The following CUL5 variants were observed in gnomAD, a reference collection of about 807,000 sequenced individuals.
The protein encoded by CUL5 is cullin 5.
In CUL5, 26 loss-of-function variants were observed where a neutral mutation model predicts 108.8. The observed-to-expected ratio is 0.24, with a 90% confidence interval of 0.18 to 0.33. CUL5 has a LOEUF of 0.33. CUL5 is among the 10% of genes least tolerant of loss of function. The probability of loss-of-function intolerance (pLI) is 1.00; values close to 1 mark genes in which losing one functional copy is unlikely to be tolerated. For missense variants in CUL5, 524 were observed against 909.2 expected (o/e 0.58, Z 5.45); for synonymous variants, 334 against 298.0 (o/e 1.12, Z -1.25).
intron 7 of CUL5, 100 bp from the exon 8 acceptor site, chr11:108,069,996 A>ATT: frequency 2.7e-5 from 16 of 599,434 alleles, no homozygotes; most frequent in South Asian, 8.7e-5. Flanking sequence ...TTTCAGTATA[A>ATT]TTTTTTTTTT....
intron 1 of CUL5, among the ~76,000 whole-genome samples, chr11:108,027,049 C>T (rs922476845): frequency 1.3e-4 from 20 of 151,906 alleles, no homozygotes; most frequent in African/African-American, 4.6e-4. Context: ...AATTACCATG[C>T]CATTTCTTTA....
chr11:108,082,012 T>A (rs941827112), intron 11 of CUL5, among the ~76,000 whole-genome samples: 5 of 152,234 alleles, frequency 3.3e-5, no homozygotes, highest in Non-Finnish European at 5.9e-5. Flanking sequence ...CCTTTGGAAT[T>A]TTGATAGGAA....
At chr11:108,095,727 C>T (rs1252665540) in intron 16 of CUL5, 36 bp downstream of exon 16, 1 of 1,537,336 alleles carries the variant, frequency 6.5e-7, no homozygotes, top group Non-Finnish European at 8.9e-7. Context: ...AGACTGTATC[C>T]TCTCATGTAG....
At chr11:108,061,224 T>C (rs921090686) in intron 7 of CUL5, among the ~76,000 whole-genome samples, 1 of 152,194 alleles carries the variant, frequency 6.6e-6, no homozygotes, top group African/African-American at 2.4e-5. Context: ...TATTTTCAAA[T>C]AACAAGTTAT....
At chr11:108,034,347 A>G (rs1424257164) in intron 2 of CUL5, among the ~76,000 whole-genome samples, 1 of 152,226 alleles carries the variant, frequency 6.6e-6, no homozygotes, top group Admixed American at 6.5e-5. Context: ...GGCTGGTCAC[A>G]TAGGCAGTCT....
At chr11:108,040,260 G>A (rs550253075) in intron 2 of CUL5, among the ~76,000 whole-genome samples, 2 of 152,246 alleles carry the variant, frequency 1.3e-5, no homozygotes, top group South Asian at 4.1e-4. Context: ...CTGGAGGATT[G>A]CTTGAGGCCA....
chr11:108,089,749 C>A, intron 13 of CUL5, 126 bp downstream of exon 13: 1 of 558,218 alleles, frequency 1.8e-6, no homozygotes, highest in Non-Finnish European at 2.8e-6. Context: ...AAGAATATAG[C>A]GTCAGTTAGG....
At chr11:108,042,758 C>T (rs1429398307) in intron 2 of CUL5, among the ~76,000 whole-genome samples, 3 of 151,636 alleles carry the variant, frequency 2.0e-5, no homozygotes, top group Non-Finnish European at 4.4e-5. Flanking sequence ...ATTTTTCTAT[C>T]AGTTTCTTTT....
intron 1 of CUL5, among the ~76,000 whole-genome samples, chr11:108,009,925 A>G (rs536934658): frequency 6.6e-6 from 1 of 151,750 alleles, no homozygotes; most frequent in South Asian, 2.1e-4. Context: ...CCCATTCTTG[A>G]GTTCATCTTT....
At chr11:108,035,441 C>A (rs577512852) in intron 2 of CUL5, among the ~76,000 whole-genome samples, 2 of 152,104 alleles carry the variant, frequency 1.3e-5, no homozygotes, top group South Asian at 4.1e-4. Flanking sequence ...TTTAAATATT[C>A]AGTAATCTTT....
chr11:108,044,507 C>CA (rs35135984), intron 2 of CUL5, among the ~76,000 whole-genome samples: 130 of 144,644 alleles, frequency 9.0e-4, no homozygotes, highest in Middle Eastern at 3.6e-3. Context: ...GACAGTGTCT[C>CA]AAAAAAAAAA....
rs1466767005 is a variant in CUL5, at chr11:108,105,191, A to G, written c.*807A>G. Reference sequence around the variant, plus strand: ...AGGTCATTATGATTGCAGAGCCAAAATAGCAAAACAAACATATTAAGTGTG... The same window carrying G: ...AGGTCATTATGATTGCAGAGCCAAAGTAGCAAAACAAACATATTAAGTGTG... On this transcript the variant is annotated 3_prime_UTR_variant, in exon 19 of 19. Transcript: ENST00000393094. The G allele has an allele frequency of 1.3e-5, 2 of 152,222 alleles. No homozygotes were observed. The highest frequency in any genetic ancestry group is 4.8e-5 in the African/African-American group (2 of 41,458). 9.4% of individuals were successfully genotyped at this position (152,222 alleles called of 1,614,324 possible).
intron 18 of CUL5, among the ~76,000 whole-genome samples, chr11:108,099,609 A>G (rs1864595526): frequency 1.3e-5 from 2 of 152,222 alleles, no homozygotes; most frequent in Non-Finnish European, 1.5e-5. Flanking sequence ...TTTAGACACA[A>G]TGGAATGTAT....
In CUL5 at chr11:108,098,507, A is replaced by G; in HGVS notation, c.2126A>G (p.Gln709Arg). 5.1e-6 allele frequency: 8 copies of G among 1,582,608 alleles called. No individual in the cohort carries two copies. Among genetic ancestry groups the G allele is most frequent in the Non-Finnish European group, 6.9e-6 (8 of 1,165,654 alleles). The change falls in exon 18 of 19, where the codon CAA becomes CGA. Residue 709 changes from glutamine (Q) to arginine (R), a missense_variant. Physicochemically the swap from Gln to Arg is conservative, Grantham distance 43 (BLOSUM62 1). Coordinates refer to ENST00000393094, the MANE Select transcript of CUL5 (RefSeq NM_003478.6). ...MREEENEGIV[Q>R]LRILRTQEAI... The stretch of plus-strand genomic sequence containing the variant: ...GAAGAAGAGAATGAAGGAATAGTTC[A>G]ACTACGAATACTAAGAACCCAGGTT...
intron 3 of CUL5, among the ~76,000 whole-genome samples, chr11:108,048,648 C>CTTTTTGTTTTTTTTTTT (rs1863126588): frequency 8.6e-6 from 1 of 116,870 alleles, no homozygotes; most frequent in Non-Finnish European, 1.7e-5. Flanking sequence ...ACTCCACCAC[C>CTTTTTGTTTTTTTTTTT]TTTTTTTTTT....
At chr11:108,026,185 G>A (rs889723729) in intron 1 of CUL5, among the ~76,000 whole-genome samples, 1 of 151,938 alleles carries the variant, frequency 6.6e-6, no homozygotes, top group South Asian at 2.1e-4. Flanking sequence ...CTTGGGAAAA[G>A]TGTACAACCC....
In CUL5 at chr11:108,072,354, G is replaced by A. The variant is rs1863846465; in HGVS notation, c.897G>A (p.Leu299=). 6.2e-7 allele frequency: 1 copy of A among 1,606,178 alleles called. No individual in the cohort carries two copies. ...ETEKLHLMFS[L]MDKVPNGIEP... Reference sequence around the variant, plus strand: ...CAGAATTACATTTAATGTTTTCATTGATGGACAAAGTTCCTAATGGTATAG... The same window carrying A: ...CAGAATTACATTTAATGTTTTCATTAATGGACAAAGTTCCTAATGGTATAG... The change falls in exon 9 of 19, where the codon TTG becomes TTA. Residue 299 remains leucine, a synonymous_variant. Coordinates refer to ENST00000393094, the MANE Select transcript of CUL5 (RefSeq NM_003478.6).
intron 13 of CUL5, among the ~76,000 whole-genome samples, chr11:108,092,004 A>G (rs1332654623): frequency 6.6e-6 from 1 of 152,044 alleles, no homozygotes; most frequent in Non-Finnish European, 1.5e-5. Context: ...AGGCATGGTG[A>G]TGTGTGCCTG....
chr11:108,041,044 G>C (rs896949093), intron 2 of CUL5, among the ~76,000 whole-genome samples: 4 of 152,264 alleles, frequency 2.6e-5, no homozygotes, highest in African/African-American at 7.2e-5. Flanking sequence ...ACAAAGGTAG[G>C]TTTGTTTTTG....
Sources: gnomAD v4.1 joint callset for allele counts (sites outside exome capture counted in the v4.1 genomes callset) on GRCh38, gnomAD v4.1.1 for gene constraint, MANE v1.5 for transcripts, NCBI Gene and HGNC (gene_info 2026-07-23, HGNC 2026-07-21) for gene names.